Variants in LRRC8D observed in about 807,000 individuals in gnomAD.
The protein encoded by LRRC8D is leucine rich repeat containing 8 VRAC subunit D, also known as volume-regulated anion channel subunit LRRC8D.
In LRRC8D, 20 loss-of-function variants were observed where a neutral mutation model predicts 55.8. The ratio of observed to expected loss-of-function variants is 0.36; its 90% CI spans 0.25 to 0.52. The LOEUF (loss-of-function observed/expected upper bound fraction) is 0.52. Among genes scored for constraint, LRRC8D ranks in the 20% least tolerant of loss-of-function variants. The pLI is 0.93. For missense variants in LRRC8D, 651 were observed against 1,030.8 expected, an observed-to-expected ratio of 0.63 and a Z score of 5.05; for synonymous variants, 352 against 377.0, an observed-to-expected ratio of 0.93 and a Z score of 0.77.
intron 1 of LRRC8D, among the ~76,000 whole-genome samples, chr1:89,841,617 C>G (rs1017303449): frequency 1.3e-5 from 2 of 152,120 alleles, no homozygotes; most frequent in African/African-American, 4.8e-5. Flanking sequence ...AAAAATAATG[C>G]AGGAATCGAA....
chr1:89,832,675 GACTCT>G (rs760539956), intron 1 of LRRC8D, among the ~76,000 whole-genome samples: 32 of 152,268 alleles, frequency 2.1e-4, no homozygotes, highest in South Asian at 6.2e-4. Flanking sequence ...GCCTTCTAGG[GACTCT>G]ACTCTACAGA....
At chr1:89,914,411 T>C (rs1663207689) in intron 2 of LRRC8D, among the ~76,000 whole-genome samples, 1 of 152,174 alleles carries the variant, frequency 6.6e-6, no homozygotes. Context: ...GCTCCCACAG[T>C]GCATTGGTGG....
chr1:89,887,188 GTTAA>G lies in LRRC8D; in HGVS notation c.-3+43412_-3+43415del, dbSNP rs774609502. Among the ~76,000 whole-genome samples the G allele has an allele frequency of 5.5e-4, 84 of 152,286 alleles. No individual in the cohort carries two copies. In the East Asian group the frequency reaches 6.9e-3, roughly 13 times the overall value. ...ACAAAGAGCCGATTTATCTGATTAAGTTAATTAATACTTATGAAGTCCTTTGAGC... is the reference window on the plus strand; with the variant it reads ...ACAAAGAGCCGATTTATCTGATTAAGTTAATACTTATGAAGTCCTTTGAGC... On this transcript the variant is annotated intron_variant, in intron 2 of 2. Transcript: ENST00000337338.
chr1:89,906,108 G>A (rs1344058), intron 2 of LRRC8D, among the ~76,000 whole-genome samples: 30,877 of 152,120 alleles, frequency 0.2, 3,673 homozygotes, highest in African/African-American at 0.33. Flanking sequence ...GTTCCCTGGT[G>A]TTTTAACTGC....
intron 2 of LRRC8D, among the ~76,000 whole-genome samples, chr1:89,879,220 A>T (rs1289409393): frequency 6.6e-6 from 1 of 152,248 alleles, no homozygotes; most frequent in East Asian, 1.9e-4. Context: ...TTATCCTGCT[A>T]TAAATTCAAT....
intron 2 of LRRC8D, among the ~76,000 whole-genome samples, chr1:89,860,476 G>A (rs1005904303): frequency 3.3e-5 from 5 of 151,848 alleles, no homozygotes; most frequent in Non-Finnish European, 4.4e-5. Context: ...AAATGTACAC[G>A]TGGCCGGGCA....
chr1:89,860,002 G>A (rs1467384078), intron 2 of LRRC8D, among the ~76,000 whole-genome samples: 2 of 152,210 alleles, frequency 1.3e-5, no homozygotes, highest in East Asian at 3.8e-4. Context: ...AGACCAAAAA[G>A]CAACGTTTTT....
At chr1:89,869,492 A>AT (rs1156374591) in intron 2 of LRRC8D, among the ~76,000 whole-genome samples, 1 of 152,216 alleles carries the variant, frequency 6.6e-6, no homozygotes, top group Non-Finnish European at 1.5e-5. Flanking sequence ...ATTGGTGTAC[A>AT]TGAAAGTGAT....
chr1:89,862,396 T>G (rs1269658792), intron 2 of LRRC8D, among the ~76,000 whole-genome samples: 1 of 152,190 alleles, frequency 6.6e-6, no homozygotes, highest in Non-Finnish European at 1.5e-5. Flanking sequence ...AAGTTGTTAA[T>G]GAAAAAGTTA....
chr1:89,834,091 C>CA (rs1403956546), intron 1 of LRRC8D, among the ~76,000 whole-genome samples: 8 of 152,008 alleles, frequency 5.3e-5, no homozygotes, highest in African/African-American at 1.9e-4. Flanking sequence ...GAATTTTGAA[C>CA]ATTAATTTTT....
At chr1:89,875,964 G>A (rs549139873) in intron 2 of LRRC8D, among the ~76,000 whole-genome samples, 53 of 152,146 alleles carry the variant, frequency 3.5e-4, no homozygotes, top group Non-Finnish European at 6.8e-4. Flanking sequence ...TTGCTTTCAG[G>A]AACACCAGAT....
At chr1:89,839,678 G>A (rs1661086599) in intron 1 of LRRC8D, among the ~76,000 whole-genome samples, 1 of 152,170 alleles carries the variant, frequency 6.6e-6, no homozygotes, top group African/African-American at 2.4e-5. Context: ...GAATGTGAGT[G>A]CCAGAGACCT....
At position 89,860,756 on chromosome 1, in the gene LRRC8D, C is replaced by CA. The variant is rs1181859656; in HGVS notation, c.-3+17004dup. Among the ~76,000 whole-genome samples the CA allele has an allele frequency of 7.4e-3, 139 of 18,842 alleles. 25 individuals carry two copies. The highest frequency in any genetic ancestry group is 0.07 in the East Asian group (14 of 200). 12.4% of individuals were successfully genotyped at this position (18,842 alleles called of 152,430 possible). A position where few individuals can be genotyped will look rare whatever the true frequency, so the allele number is the denominator to read the frequency against. ...CTGGCAACAGAGCAAGACTCTATCT[C>CA]AAAAAAAAAAAAAAAAAAAAAAAAA... On this transcript the variant is annotated intron_variant, in intron 2 of 2. Transcript: ENST00000337338.
chr1:89,900,163 AGGCACTGAT>A, intron 2 of LRRC8D, among the ~76,000 whole-genome samples: 1 of 152,356 alleles, frequency 6.6e-6, no homozygotes, highest in Non-Finnish European at 1.5e-5. Flanking sequence ...GGCTTACCAT[AGGCACTGAT>A]GGCAGGCAAA....
At chr1:89,931,202 A>G (rs1047258157) in intron 2 of LRRC8D, among the ~76,000 whole-genome samples, 24 of 141,374 alleles carry the variant, frequency 1.7e-4, no homozygotes, top group Admixed American at 1.7e-3. Flanking sequence ...ATTGTATTTT[A>G]TTAAAAAATA....
intron 2 of LRRC8D, among the ~76,000 whole-genome samples, chr1:89,873,088 AG>A (rs1031266915): frequency 2.6e-5 from 4 of 152,160 alleles, no homozygotes; most frequent in African/African-American, 9.7e-5. Flanking sequence ...ATTTTGGTGA[AG>A]TGTTCTTAGA....
Position 89,935,076 on chromosome 1 carries a change from A to T in LRRC8D, c.2008A>T (p.Ile670Phe), listed in dbSNP as rs545464719. ...GGAACTGGATTTAAAGTCCAATAAC[A>T]TTCGCACAATTGAGGAAATCATCAG... is the stretch of plus-strand genomic sequence containing the variant. ...LQELDLKSNN[I>F]RTIEEIISFQ... The change falls in exon 3 of 3, where the codon ATT becomes TTT. Residue 670 changes from isoleucine to phenylalanine, a missense_variant. Transcript: ENST00000337338. 1 of 1,614,232 alleles carries T rather than the reference A, an allele frequency of 6.2e-7. No homozygotes were observed. The highest frequency in any genetic ancestry group is 1.3e-5 in the African/African-American group (1 of 75,072).
In LRRC8D at chr1:89,935,432, C is replaced by G. The variant is rs778839232; in HGVS notation, c.2364C>G (p.Thr788=). 5.0e-6 allele frequency: 8 copies of G among 1,614,200 alleles called. No homozygotes were observed. The South Asian group carries it at 8.8e-5, about 18-fold the overall frequency. The change falls in exon 3 of 3, where the codon ACC becomes ACG. Residue 788 remains threonine (T), a synonymous_variant. Transcript: ENST00000337338. ...RTLNLGQNCI[T]SLPEKVGQLS... ...TGAATCTGGGACAGAACTGCATCAC[C>G]TCACTCCCAGAGAAAGTTGGTCAGC...
At chr1:89,931,205 A>G (rs148046222) in intron 2 of LRRC8D, among the ~76,000 whole-genome samples, 1 of 150,450 alleles carries the variant, frequency 6.6e-6, no homozygotes, top group Admixed American at 6.6e-5. Flanking sequence ...GTATTTTATT[A>G]AAAAATATTA....
Sources: gnomAD v4.1 joint callset for allele counts (sites outside exome capture counted in the v4.1 genomes callset) on GRCh38, gnomAD v4.1.1 for gene constraint, MANE v1.5 for transcripts, NCBI Gene and HGNC (gene_info 2026-07-23, HGNC 2026-07-21) for gene names.